The following TVP23C variants were observed in gnomAD, a reference collection of about 807,000 sequenced individuals.
TVP23C encodes trans-golgi network vesicle protein 23 homolog C, also known as Golgi apparatus membrane protein TVP23 homolog C.
In TVP23C, 19 loss-of-function variants were observed where a neutral mutation model predicts 28.7. The observed-to-expected ratio is 0.66, with a 90% CI of 0.46 to 0.97. The LOEUF (loss-of-function observed/expected upper bound fraction) is 0.97. TVP23C is among the 50% of genes least tolerant of loss of function. TVP23C has a pLI of 0.00. For missense variants in TVP23C, 186 were observed against 241.3 expected, an observed-to-expected ratio of 0.77 and a Z score of 1.52; for synonymous variants, 68 against 81.7, an observed-to-expected ratio of 0.83 and a Z score of 0.90.
At chr17:15,505,802 G>T (rs1981702655) in intron 5 of TVP23C, among the ~76,000 whole-genome samples, 1 of 44 alleles carries the variant, frequency 0.023, no homozygotes, top group South Asian at 0.25. Context: ...CAGCCGGCCA[G>T]CCCTGCTGCC....
chr17:15,533,481 A>T (rs554985517), downstream of TVP23C, among the ~76,000 whole-genome samples: 1 of 152,334 alleles, frequency 6.6e-6, no homozygotes, highest in South Asian at 2.1e-4. Flanking sequence ...ACCTTCCCTC[A>T]CTTAACTGGT....
intron 5 of TVP23C, among the ~76,000 whole-genome samples, chr17:15,517,210 T>C (rs1049975617): frequency 3.9e-5 from 6 of 152,228 alleles, no homozygotes; most frequent in African/African-American, 1.4e-4. Context: ...GATAATAAGC[T>C]TTCTGTGGCT....
intron 5 of TVP23C, among the ~76,000 whole-genome samples, chr17:15,541,582 A>G (rs1983412466): frequency 6.6e-6 from 1 of 152,120 alleles, no homozygotes; most frequent in Non-Finnish European, 1.5e-5. Flanking sequence ...GTCGTTTTCC[A>G]ATCTAGATTT....
intron 4 of TVP23C, among the ~76,000 whole-genome samples, chr17:15,546,313 A>G (rs2938171): frequency 0.24 from 36,393 of 149,936 alleles, 4,827 homozygotes; most frequent in East Asian, 0.52. Context: ...TCCAGAGGGG[A>G]AAAAAAAAAC....
At chr17:15,520,671 G>C (rs148618582) in intron 5 of TVP23C, among the ~76,000 whole-genome samples, 1 of 152,208 alleles carries the variant, frequency 6.6e-6, no homozygotes, top group Non-Finnish European at 1.5e-5. Flanking sequence ...TTCAAACAAA[G>C]CTTTCAACAT....
chr17:15,553,530 A>C (rs573578110), intron 3 of TVP23C, among the ~76,000 whole-genome samples, 155 bp downstream of exon 3: 1 of 152,004 alleles, frequency 6.6e-6, no homozygotes, highest in East Asian at 1.9e-4. Context: ...ATGAAAAAAA[A>C]AAAAAAAAAC....
At chr17:15,519,458 T>C (rs1043590577) in intron 5 of TVP23C, among the ~76,000 whole-genome samples, 2 of 143,834 alleles carry the variant, frequency 1.4e-5, no homozygotes, top group African/African-American at 2.6e-5. Context: ...GGTGACAGAG[T>C]AAGACCCCAT....
chr17:15,518,688 C>A (rs1025808778), intron 5 of TVP23C, among the ~76,000 whole-genome samples: 2 of 151,814 alleles, frequency 1.3e-5, no homozygotes, highest in Non-Finnish European at 2.9e-5. Context: ...TAAGACTGGG[C>A]TCAGTAGAGA....
intron 5 of TVP23C, chr17:15,503,264 A>T: frequency 2.1e-6 from 3 of 1,457,268 alleles, no homozygotes; most frequent in Non-Finnish European, 2.7e-6. Context: ...TAAATTAGCC[A>T]GGTGTAGTGG....
chr17:15,525,194 A>G (rs1032732822), intron 5 of TVP23C, among the ~76,000 whole-genome samples: 11 of 152,246 alleles, frequency 7.2e-5, no homozygotes, highest in African/African-American at 2.7e-4. Flanking sequence ...AGGCGGGCAC[A>G]TGCCCAATAA....
intron 5 of TVP23C, among the ~76,000 whole-genome samples, chr17:15,510,020 C>G (rs780408040): frequency 6.6e-6 from 1 of 152,174 alleles, no homozygotes; most frequent in Non-Finnish European, 1.5e-5. Flanking sequence ...AAGACATACC[C>G]TGATTTCGGA....
At chr17:15,535,487 T>C (rs892287367), downstream of TVP23C, among the ~76,000 whole-genome samples, 82 of 150,606 alleles carry the variant, frequency 5.4e-4, no homozygotes, top group Non-Finnish European at 7.7e-4. Flanking sequence ...GGCCAGTAGC[T>C]GAAAAGCTCC....
At chr17:15,521,467 G>A (rs1367822732) in intron 5 of TVP23C, among the ~76,000 whole-genome samples, 2 of 152,022 alleles carry the variant, frequency 1.3e-5, no homozygotes, top group Non-Finnish European at 2.9e-5. Context: ...TTACGCCACT[G>A]CACTCCAGCC....
At chr17:15,523,632 T>C (rs1306935168) in intron 5 of TVP23C, among the ~76,000 whole-genome samples, 3 of 151,306 alleles carry the variant, frequency 2.0e-5, no homozygotes, top group African/African-American at 7.3e-5. Flanking sequence ...TTTTCTTTTT[T>C]TGAGACAGTC....
chr17:15,549,772 C>G (rs1983808313), intron 3 of TVP23C, among the ~76,000 whole-genome samples: 1 of 152,040 alleles, frequency 6.6e-6, no homozygotes, highest in African/African-American at 2.4e-5. Flanking sequence ...GAGGACAAAC[C>G]TGAATGGAGA....
Position 15,502,904 on chromosome 17 carries a change from TC to T in TVP23C, c.790del (p.Glu264SerfsTer20). The T allele has an allele frequency of 6.2e-7, 1 of 1,602,288 alleles. No individual in the cohort carries two copies. The highest frequency in any genetic ancestry group is 8.5e-7 in the Non-Finnish European group (1 of 1,173,476). On this transcript the variant is annotated frameshift_variant, in exon 6 of 6. Coordinates refer to the TVP23C transcript ENST00000225576. LOFTEE classifies it high-confidence loss of function. ...TGCCAGATGAAATTTTGGCCCGGGC[TC>T]ACCAGTTCCTCTGCTATTGGGACTC...
intron 5 of TVP23C, among the ~76,000 whole-genome samples, chr17:15,528,094 CTTTA>C (rs1028253578): frequency 6.6e-6 from 1 of 151,996 alleles, no homozygotes; most frequent in African/African-American, 2.4e-5. Context: ...TTTTTCAAGT[CTTTA>C]TGTTTTTTCT....
exon 6 of TVP23C, chr17:15,503,045 G>C (rs1833114198): frequency 6.2e-7 from 1 of 1,613,838 alleles, no homozygotes; most frequent in Admixed American, 1.7e-5. Context: ...GCGGGGCGCA[G>C]GTTTCCAGTA....
In TVP23C at chr17:15,553,535, A is replaced by C. The variant is rs1983988858; in HGVS notation, c.240+150T>G. 5.5e-6 allele frequency: 6 copies of C among 1,083,856 alleles called. No homozygotes were observed. In the South Asian group the frequency reaches 9.1e-5, roughly 16 times the overall value. The allele number at this position is 1,083,856 out of a possible 1,614,324, so 67.1% of individuals were successfully genotyped here. ...AAGGGAAAAAATGAAAAAAAAAAAAAAAAACTACATGCAATTTGATATATC... is the reference window on the plus strand; with the variant it reads ...AAGGGAAAAAATGAAAAAAAAAAAACAAAACTACATGCAATTTGATATATC... On this transcript the variant is annotated intron_variant, in intron 3 of 5. Coordinates refer to ENST00000518321, the MANE Select transcript of TVP23C (RefSeq NM_001135036.2).
Sources: allele counts gnomAD v4.1 joint callset (sites outside exome capture counted in the v4.1 genomes callset), GRCh38; gene constraint gnomAD v4.1.1; transcripts MANE v1.5; gene names NCBI Gene and HGNC (gene_info 2026-07-23, HGNC 2026-07-21).